MEIS1: variants seen among roughly 807,000 people sequenced by gnomAD.
MEIS1 encodes Meis homeobox 1, also known as homeobox protein Meis1.
In MEIS1, 5 loss-of-function variants were observed where a neutral mutation model predicts 50.8. The observed-to-expected ratio is 0.10, with a 90% CI of 0.05 to 0.21. The LOEUF (loss-of-function observed/expected upper bound fraction) is 0.21. MEIS1 is among the 10% of genes least tolerant of loss of function. The pLI is 1.00. For missense variants in MEIS1, 318 were observed against 517.3 expected (o/e 0.61, Z 3.74); for synonymous variants, 176 against 179.3 (o/e 0.98, Z 0.15).
At chr2:66,536,516 G>T (rs1358262389) in intron 8 of MEIS1, among the ~76,000 whole-genome samples, 1 of 152,206 alleles carries the variant, frequency 6.6e-6, no homozygotes, top group Non-Finnish European at 1.5e-5. Context: ...AAGAACTGCG[G>T]TTGTTAAGGT....
chr2:66,440,491 G>T (rs1027397424), intron 3 of MEIS1, 71 bp from the exon 4 acceptor site: 72 of 1,356,604 alleles, frequency 5.3e-5, no homozygotes, highest in Non-Finnish European at 7.1e-5. Context: ...CTAGGAAGGC[G>T]ACCAGATTTC....
chr2:66,479,495 A>G (rs1220106030), intron 7 of MEIS1, among the ~76,000 whole-genome samples: 2 of 152,240 alleles, frequency 1.3e-5, no homozygotes, highest in African/African-American at 2.4e-5. Context: ...ACAATTTAAA[A>G]GAAGCCAATG....
intron 7 of MEIS1, among the ~76,000 whole-genome samples, chr2:66,504,810 C>T (rs781249539): frequency 3.3e-5 from 5 of 152,194 alleles, no homozygotes; most frequent in Admixed American, 2.0e-4. Flanking sequence ...TAGGTTCCCA[C>T]GTCTAACTCT....
chr2:66,559,594 T>C (rs17032230), intron 9 of MEIS1, among the ~76,000 whole-genome samples: 3,124 of 152,324 alleles, frequency 0.021, 50 homozygotes, highest in South Asian at 0.058. Context: ...CTTCTGTTCT[T>C]TGAAGACATT....
At chr2:66,440,256 T>C (rs1671935847) in intron 3 of MEIS1, 1 of 590,382 alleles carries the variant, frequency 1.7e-6, no homozygotes, top group East Asian at 2.8e-5. Flanking sequence ...GAGCTCACTC[T>C]GCAGAATAAA....
At chr2:66,553,274 G>T (rs1339260846) in intron 9 of MEIS1, among the ~76,000 whole-genome samples, 2 of 152,182 alleles carry the variant, frequency 1.3e-5, no homozygotes, top group African/African-American at 4.8e-5. Context: ...GATCAATGGA[G>T]TAACAGGTGC....
In MEIS1 at chr2:66,549,988, A is replaced by G. The variant is rs193271500; in HGVS notation, c.965+1969A>G. ...TATGCACAGTCTCTGCCGGAGAGCAATCTTCCTAATCAGTCCATGATCACA... is the reference window on the plus strand; with the variant it reads ...TATGCACAGTCTCTGCCGGAGAGCAGTCTTCCTAATCAGTCCATGATCACA... On this transcript the variant is annotated intron_variant, in intron 9 of 12. Coordinates refer to ENST00000272369, the MANE Select transcript of MEIS1 (RefSeq NM_002398.3). Among the ~76,000 whole-genome samples, 206 of 152,268 alleles carry G rather than the reference A, an allele frequency of 1.4e-3. 1 individual carries two copies. Among genetic ancestry groups the G allele is most frequent in the Non-Finnish European group, 1.3e-3 (89 of 68,012 alleles).
intron 7 of MEIS1, chr2:66,496,333 C>T (rs1194324679): frequency 6.6e-6 from 1 of 152,110 alleles, no homozygotes; most frequent in African/African-American, 2.4e-5. Context: ...ATGCCTCCTG[C>T]AGGGGAGACT....
intron 7 of MEIS1, among the ~76,000 whole-genome samples, chr2:66,502,286 A>G (rs887088714): frequency 3.3e-5 from 5 of 152,154 alleles, no homozygotes; most frequent in African/African-American, 1.2e-4. Flanking sequence ...ACAGAGGGGA[A>G]TAGAGGGGAG....
chr2:66,475,658 T>C (rs1287382334), intron 7 of MEIS1, among the ~76,000 whole-genome samples: 2 of 152,196 alleles, frequency 1.3e-5, no homozygotes, highest in Non-Finnish European at 2.9e-5. Flanking sequence ...AAGAATCGAT[T>C]TGACCAGCAT....
chr2:66,568,787 T>C, intron 11 of MEIS1, 31 bp downstream of exon 11: 1 of 1,571,588 alleles, frequency 6.4e-7, no homozygotes, highest in Middle Eastern at 1.7e-4. Context: ...TAGTTCCTCA[T>C]TTTTGACTCC....
intron 7 of MEIS1, among the ~76,000 whole-genome samples, chr2:66,484,110 A>G (rs2103791098): frequency 6.6e-6 from 1 of 152,334 alleles, no homozygotes; most frequent in Non-Finnish European, 1.5e-5. Flanking sequence ...TTGGTAAAAT[A>G]AGGTTTAAAA....
At chr2:66,541,989 G>A (rs141025878) in intron 8 of MEIS1, among the ~76,000 whole-genome samples, 1 of 151,944 alleles carries the variant, frequency 6.6e-6, no homozygotes, top group South Asian at 2.1e-4. Context: ...TTTTTTTAAA[G>A]GAAAAAAGTA....
At chr2:66,472,641 G>A (rs1283857948) in intron 7 of MEIS1, among the ~76,000 whole-genome samples, 5 of 152,188 alleles carry the variant, frequency 3.3e-5, no homozygotes, top group East Asian at 1.9e-4. Flanking sequence ...GGTGAACTCC[G>A]TGGTCAGGCC....
chr2:66,530,490 G>A (rs952610356), intron 8 of MEIS1, among the ~76,000 whole-genome samples: 1 of 151,908 alleles, frequency 6.6e-6, no homozygotes, highest in African/African-American at 2.4e-5. Context: ...CGAGGCGGGC[G>A]GATCATAAGG....
At position 66,492,164 on chromosome 2, in the gene MEIS1, A is replaced by G. The variant is rs141238935; in HGVS notation, c.743-19985A>G. Among the ~76,000 whole-genome samples, 423 of 151,248 alleles carry G rather than the reference A, an allele frequency of 2.8e-3. 2 individuals carry two copies. The highest frequency in any genetic ancestry group is 9.9e-3 in the African/African-American group (410 of 41,242). On this transcript the variant is annotated intron_variant, in intron 7 of 12. Transcript: ENST00000272369. Reference sequence around the variant, plus strand: ...TAGAGGGGGTTCCTCTATTACATGCATACTGGAGAGTCTTCATGAACACCC... The same window carrying G: ...TAGAGGGGGTTCCTCTATTACATGCGTACTGGAGAGTCTTCATGAACACCC...
chr2:66,512,603 C>T (rs1673861640), intron 8 of MEIS1, among the ~76,000 whole-genome samples: 1 of 152,170 alleles, frequency 6.6e-6, no homozygotes, highest in African/African-American at 2.4e-5. Flanking sequence ...CCCTTAAGTG[C>T]TCAGAACCAT....
intron 9 of MEIS1, among the ~76,000 whole-genome samples, chr2:66,564,029 T>C (rs529332844): frequency 8.5e-5 from 13 of 152,340 alleles, no homozygotes; most frequent in African/African-American, 3.1e-4. Context: ...ATAAGTGTAG[T>C]AATTGTAATT....
intron 3 of MEIS1, chr2:66,440,300 T>C: frequency 1.7e-6 from 1 of 595,266 alleles, no homozygotes; most frequent in Non-Finnish European, 3.0e-6. Context: ...TGCTGTGGAC[T>C]CGGCGGTCTG....
Sources: gnomAD v4.1 joint callset for allele counts (sites outside exome capture counted in the v4.1 genomes callset) on GRCh38, gnomAD v4.1.1 for gene constraint, MANE v1.5 for transcripts, NCBI Gene and HGNC (gene_info 2026-07-23, HGNC 2026-07-21) for gene names.